COG2: variants seen among roughly 807,000 people sequenced by gnomAD.
The protein encoded by COG2 is conserved oligomeric Golgi complex subunit 2.
COG2 carries 52 observed loss-of-function variants against 90.6 expected under a neutral mutation model. That is an observed-to-expected ratio of 0.57 (90% CI 0.46 to 0.72). The LOEUF (loss-of-function observed/expected upper bound fraction) is 0.72, where lower values mean the gene tolerates loss of function less well. Among genes scored for constraint, COG2 ranks in the 30% least tolerant of loss-of-function variants. The pLI is 0.00. For synonymous variants in COG2, 337 were observed against 320.4 expected (o/e 1.05, Z -0.55); for missense variants, 829 against 891.2 (o/e 0.93, Z 0.89).
chr1:230,655,887 G>C (rs1662034445), intron 1 of COG2, among the ~76,000 whole-genome samples: 1 of 152,204 alleles, frequency 6.6e-6, no homozygotes, highest in Non-Finnish European at 1.5e-5. Context: ...TATTCGCCTA[G>C]AGGTGTTTAT....
At chr1:230,643,488 C>T (rs1232818131) in intron 1 of COG2, among the ~76,000 whole-genome samples, 1 of 152,166 alleles carries the variant, frequency 6.6e-6, no homozygotes, top group Non-Finnish European at 1.5e-5. Context: ...TTAGTAGCTG[C>T]TTTCAGTGTT....
chr1:230,647,063 G>A (rs931021726), intron 1 of COG2, among the ~76,000 whole-genome samples: 2 of 151,842 alleles, frequency 1.3e-5, no homozygotes, highest in Admixed American at 6.6e-5. Context: ...TTTTCAAAAC[G>A]CATCTCGGTG....
chr1:230,643,496 G>T lies in COG2; in HGVS notation c.72+818G>T, dbSNP rs538713030. On this transcript the variant is annotated intron_variant, in intron 1 of 17. Coordinates refer to ENST00000366669, the MANE Select transcript of COG2 (RefSeq NM_007357.3). ...ACACCTTTTAGTAGCTGCTTTCAGTGTTAAAAAGCGAAAAGTTTTAGCTGG... is the reference window on the plus strand; with the variant it reads ...ACACCTTTTAGTAGCTGCTTTCAGTTTTAAAAAGCGAAAAGTTTTAGCTGG... 3.9e-5 allele frequency among the ~76,000 whole-genome samples: 6 copies of T among 152,298 alleles called. No individual in the cohort carries two copies. The South Asian group carries it at 1.2e-3, about 32-fold the overall frequency.
chr1:230,691,431 A>G lies in COG2; in HGVS notation c.1982A>G (p.Glu661Gly). The change falls in exon 17 of 18, where the codon GAA (glutamate) becomes GGA (glycine). Residue 661 changes from glutamate (E) to glycine (G), a missense_variant. By Grantham distance (98) the Glu-to-Gly change is moderately conservative. Transcript: ENST00000366669. ...SDVLNSVKKMEESLKRLKQAR... is the reference protein window; with the variant it reads ...SDVLNSVKKMGESLKRLKQAR... ...GTATTAAACTCTGTGAAGAAGATGG[A>G]AGAGAGCCTGAAAAGGCTGAAACAA... 1.2e-6 allele frequency: 2 copies of G among 1,614,182 alleles called. No individual in the cohort carries two copies. Among genetic ancestry groups the G allele is most frequent in the East Asian group, 2.2e-5 (1 of 44,884 alleles).
intron 17 of COG2, among the ~76,000 whole-genome samples, chr1:230,691,977 T>G (rs1029570428): frequency 6.6e-6 from 1 of 152,150 alleles, no homozygotes; most frequent in African/African-American, 2.4e-5. Context: ...TGAGCATAAC[T>G]TCTCTGCTTC....
At chr1:230,685,668 T>C (rs1157880529) in intron 12 of COG2, among the ~76,000 whole-genome samples, 1 of 152,246 alleles carries the variant, frequency 6.6e-6, no homozygotes, top group Non-Finnish European at 1.5e-5. Flanking sequence ...ATTAAAATTC[T>C]TTTTTTGAAT....
At chr1:230,686,766 C>T (rs897501928) in intron 12 of COG2, among the ~76,000 whole-genome samples, 169 bp from the exon 13 acceptor site, 2 of 152,164 alleles carry the variant, frequency 1.3e-5, no homozygotes, top group Non-Finnish European at 2.9e-5. Flanking sequence ...TAGTGCTTCA[C>T]TCCTTCCTGT....
Position 230,642,757 on chromosome 1 carries a change from C to A in COG2, c.72+79C>A. 4 of 1,395,798 alleles carry A rather than the reference C, an allele frequency of 2.9e-6. No homozygotes were observed. The South Asian group carries it at 3.9e-5, about 13-fold the overall frequency. 86.5% of individuals were successfully genotyped at this position (1,395,798 alleles called of 1,614,324 possible). A position where few individuals can be genotyped will look rare whatever the true frequency, so the allele number is the denominator to read the frequency against. On this transcript the variant is annotated intron_variant, in intron 1 of 17. Transcript: ENST00000366669. The stretch of plus-strand genomic sequence containing the variant: ...TGCCCTCTGTGGCGGTCTCTTCGGT[C>A]GGCTGCTCCTGCCTGCGCACGCTCA...
rs542085758 is a variant in COG2 at position 230,659,543 on chromosome 1, T to A, written c.152T>A (p.Leu51His). 3.6e-5 allele frequency: 58 copies of A among 1,614,036 alleles called. No homozygotes were observed. Among genetic ancestry groups the A allele is most frequent in the Admixed American group, 1.5e-4 (9 of 60,016 alleles). Residue 51 changes from leucine to histidine, a missense_variant, in exon 2 of 18, where the codon CTC becomes CAC. Coordinates refer to ENST00000366669, the MANE Select transcript of COG2 (RefSeq NM_007357.3). ...GAAGAACTGAGAGATGACCTGGAGCTCTACTATAAACTTCTTAAAACAGCC... is the reference window on the plus strand; with the variant it reads ...GAAGAACTGAGAGATGACCTGGAGCACTACTATAAACTTCTTAAAACAGCC... Reference protein sequence around the residue: ...QLEELRDDLELYYKLLKTAMV... With the variant: ...QLEELRDDLEHYYKLLKTAMV...
At chr1:230,687,511 G>C (rs918442201) in intron 13 of COG2, among the ~76,000 whole-genome samples, 1 of 152,052 alleles carries the variant, frequency 6.6e-6, no homozygotes, top group Non-Finnish European at 1.5e-5. Context: ...CTGGATTTTA[G>C]TTACTTTACA....
intron 1 of COG2, among the ~76,000 whole-genome samples, chr1:230,644,680 A>G (rs1661716799): frequency 6.6e-6 from 1 of 152,212 alleles, no homozygotes; most frequent in Non-Finnish European, 1.5e-5. Flanking sequence ...CAGTGGTAGC[A>G]ATTGTTCAGT....
chr1:230,671,632 C>T lies in COG2; in HGVS notation c.891C>T (p.Ala297=), dbSNP rs755679345. 1.2e-6 allele frequency: 2 copies of T among 1,613,592 alleles called. No individual in the cohort carries two copies. The highest frequency in any genetic ancestry group is 1.7e-6 in the Non-Finnish European group (2 of 1,179,692). The stretch of plus-strand genomic sequence containing the variant: ...TTCTTCGAGAAGTCACAGGAGGTGC[C>T]ATCTCCAGGTAATTTAAACAACCCT... The part of the protein sequence containing the change: ...CRLLREVTGG[A]ISSEKGNTVP... The change falls in exon 8 of 18, where the codon GCC becomes GCT. Residue 297 remains alanine, a synonymous_variant. Coordinates refer to ENST00000366669, the MANE Select transcript of COG2 (RefSeq NM_007357.3).
At chr1:230,653,006 T>G (rs2102744357) in intron 1 of COG2, among the ~76,000 whole-genome samples, 1 of 152,252 alleles carries the variant, frequency 6.6e-6, no homozygotes, top group African/African-American at 2.4e-5. Context: ...CTTTTTATAG[T>G]GAGAACGCTT....
At chr1:230,677,102 C>T (rs998930563) in intron 9 of COG2, among the ~76,000 whole-genome samples, 1 of 152,104 alleles carries the variant, frequency 6.6e-6, no homozygotes, top group Non-Finnish European at 1.5e-5. Context: ...TTTCATTCCT[C>T]TATCATCTCC....
chr1:230,690,149 C>A lies in COG2; in HGVS notation c.1930C>A (p.His644Asn). 6.2e-7 allele frequency: 1 copy of A among 1,611,782 alleles called. No individual in the cohort carries two copies. The highest frequency in any genetic ancestry group is 1.1e-5 in the South Asian group (1 of 90,638). Residue 644 changes from histidine (H) to asparagine (N), a missense_variant, in exon 16 of 18, where the codon CAT becomes AAT. His to Asn is a moderately conservative substitution (Grantham distance 68). Transcript: ENST00000366669. ...AGAAGGCACTCTCAGTGAAAGCACT[C>A]ATAAGTAAGTAAATTAAAAGCAGAC... ...WLEGTLSEST[H>N]KYYETVSDVL...
chr1:230,683,493 C>T (rs1662805037), intron 10 of COG2, 81 bp from the exon 11 acceptor site: 1 of 1,026,676 alleles, frequency 9.7e-7, no homozygotes, highest in Non-Finnish European at 1.5e-6. Flanking sequence ...GTTCCTGTTA[C>T]TTAGGAAAAA....
intron 8 of COG2, among the ~76,000 whole-genome samples, chr1:230,672,638 C>T (rs1234924708): frequency 6.6e-6 from 1 of 150,892 alleles, no homozygotes; most frequent in East Asian, 2.0e-4. Context: ...CAAGACCAGC[C>T]TGGGCAACAT....
chr1:230,662,293 G>A (rs770936569), intron 3 of COG2, among the ~76,000 whole-genome samples: 4 of 152,212 alleles, frequency 2.6e-5, no homozygotes, highest in South Asian at 2.1e-4. Flanking sequence ...TTCTGCAGTC[G>A]TTGAGAAATG....
intron 1 of COG2, among the ~76,000 whole-genome samples, chr1:230,654,626 T>C (rs1662005990): frequency 6.6e-6 from 1 of 152,162 alleles, no homozygotes; most frequent in South Asian, 2.1e-4. Context: ...TTTCCAATTC[T>C]GTGAAAAAAG....
Sources: gnomAD v4.1 joint callset for allele counts (sites outside exome capture counted in the v4.1 genomes callset) on GRCh38, gnomAD v4.1.1 for gene constraint, MANE v1.5 for transcripts, NCBI Gene and HGNC (gene_info 2026-07-23, HGNC 2026-07-21) for gene names.